Variants in EPM2A observed in about 807,000 individuals in gnomAD.
The protein encoded by EPM2A is EPM2A glucan phosphatase, laforin.
Under a neutral mutation model 26.5 loss-of-function variants are expected in EPM2A, and 21 were observed. The observed-to-expected ratio is 0.79, with a 90% confidence interval of 0.56 to 1.14. The LOEUF is 1.14. Ranked by LOEUF, EPM2A falls within the 50% of genes most tolerant of loss-of-function variation. The pLI, the probability that EPM2A is intolerant of heterozygous loss-of-function variation, is 0.00. For synonymous variants in EPM2A, 217 were observed against 177.6 expected, an observed-to-expected ratio of 1.22 and a Z score of -1.76; for missense variants, 458 against 440.8, an observed-to-expected ratio of 1.04 and a Z score of -0.35.
chr6:145,718,250 G>A (rs1775750311), intron 1 of EPM2A, among the ~76,000 whole-genome samples: 1 of 150,174 alleles, frequency 6.7e-6, no homozygotes, highest in South Asian at 2.1e-4. Flanking sequence ...AAAACAGCAT[G>A]GTACTGGTAC....
At chr6:145,668,339 A>T (rs1025002234) in intron 2 of EPM2A, among the ~76,000 whole-genome samples, 1 of 152,174 alleles carries the variant, frequency 6.6e-6, no homozygotes, top group Non-Finnish European at 1.5e-5. Flanking sequence ...AGGTGAGTTA[A>T]ACTACAAGGC....
At chr6:145,735,638 T>G (rs370538548), upstream of EPM2A, 48 of 1,082,492 alleles carry the variant, frequency 4.4e-5, no homozygotes, top group East Asian at 1.7e-3. Flanking sequence ...GTTCTGCGCC[T>G]TCTTTGGGAT....
chr6:145,389,380 CG>C (rs1778307787), intron 4 of EPM2A, among the ~76,000 whole-genome samples: 1 of 151,778 alleles, frequency 6.6e-6, no homozygotes, highest in Non-Finnish European at 1.5e-5. Flanking sequence ...TTAGTAGAGA[CG>C]GGGTTTCACC....
intron 1 of EPM2A, among the ~76,000 whole-genome samples, chr6:145,704,598 A>C (rs1054533439): frequency 6.6e-6 from 1 of 152,204 alleles, no homozygotes; most frequent in Non-Finnish European, 1.5e-5. Flanking sequence ...ATACTTATAC[A>C]GCAAAGCAAG....
intron 2 of EPM2A, among the ~76,000 whole-genome samples, chr6:145,561,153 CTTT>C (rs11326955): frequency 8.5e-5 from 12 of 141,720 alleles, no homozygotes; most frequent in Admixed American, 1.4e-4. Flanking sequence ...TCTTTTATAC[CTTT>C]TTTTTTTTTT....
intron 1 of EPM2A, among the ~76,000 whole-genome samples, chr6:145,698,553 T>G (rs4896839): frequency 0.64 from 96,995 of 150,950 alleles, 31,698 homozygotes; most frequent in African/African-American, 0.75. Flanking sequence ...TCTATGATTA[T>G]AAAAAGACAT....
In EPM2A at chr6:145,722,831, T is replaced by C. The variant is rs1249243755; in HGVS notation, c.301+12367A>G. ...GCACAGAGACAAAAAGAGAAGATGGTGTTAAGAGGCAGGGAGAAGATAGCC... is the reference window on the plus strand; with the variant it reads ...GCACAGAGACAAAAAGAGAAGATGGCGTTAAGAGGCAGGGAGAAGATAGCC... On this transcript the variant is annotated intron_variant, in intron 1 of 3. Transcript: ENST00000367519. 9.2e-6 allele frequency: 4 copies of C among 433,600 alleles called. No individual in the cohort carries two copies. The Admixed American group carries it at 1.0e-4, about 11-fold the overall frequency. The allele number at this position is 433,600 out of a possible 1,614,324, so 26.9% of individuals were successfully genotyped here. A position where few individuals can be genotyped will look rare whatever the true frequency, so the allele number is the denominator to read the frequency against.
At chr6:145,540,567 G>A (rs997465850) in intron 2 of EPM2A, among the ~76,000 whole-genome samples, 6 of 152,132 alleles carry the variant, frequency 3.9e-5, no homozygotes, top group African/African-American at 9.7e-5. Flanking sequence ...GGATCTTACC[G>A]TTGCACATTT....
intron 4 of EPM2A, among the ~76,000 whole-genome samples, chr6:145,406,131 T>C (rs1778566375): frequency 6.6e-6 from 1 of 152,086 alleles, no homozygotes; most frequent in Non-Finnish European, 1.5e-5. Flanking sequence ...GAAATAATAT[T>C]CAATACTCAA....
intron 1 of EPM2A, among the ~76,000 whole-genome samples, chr6:145,725,222 T>C (rs1776141051): frequency 6.6e-6 from 1 of 152,090 alleles, no homozygotes; most frequent in South Asian, 2.1e-4. Flanking sequence ...TATTACAGAA[T>C]TGCACATCTA....
intron 4 of EPM2A, among the ~76,000 whole-genome samples, chr6:145,450,089 C>T (rs1779175660): frequency 6.6e-6 from 1 of 151,880 alleles, no homozygotes; most frequent in African/African-American, 2.4e-5. Context: ...TGTGGTGGCT[C>T]ACACCTGTAA....
At chr6:145,640,307 C>T (rs1315663713) in intron 2 of EPM2A, 1 of 152,152 alleles carries the variant, frequency 6.6e-6, no homozygotes, top group African/African-American at 2.4e-5. Context: ...CACATTACAG[C>T]TTCCATCACT....
intron 4 of EPM2A, among the ~76,000 whole-genome samples, chr6:145,494,361 G>A (rs1446552439): frequency 4.0e-5 from 6 of 151,888 alleles, no homozygotes; most frequent in Admixed American, 3.9e-4. Context: ...GTGTTTATTT[G>A]GATCTTCTCT....
intron 2 of EPM2A, among the ~76,000 whole-genome samples, chr6:145,562,046 C>A (rs547863713): frequency 1.3e-5 from 2 of 148,546 alleles, no homozygotes; most frequent in Non-Finnish European, 3.0e-5. Context: ...ACATATATCC[C>A]AGAACTTAAA....
chr6:145,688,819 G>A (rs1245871124), intron 1 of EPM2A, among the ~76,000 whole-genome samples: 2 of 152,138 alleles, frequency 1.3e-5, no homozygotes, highest in African/African-American at 4.8e-5. Flanking sequence ...AAGCAGCAGA[G>A]CATGACTGAA....
intron 4 of EPM2A, among the ~76,000 whole-genome samples, chr6:145,430,991 A>G (rs1284056372): frequency 2.4e-4 from 36 of 152,200 alleles, no homozygotes; most frequent in Non-Finnish European, 7.3e-5. Context: ...TCTTAACTTC[A>G]AACATCAGAG....
chr6:145,524,222 A>G (rs1366942010), intron 2 of EPM2A, among the ~76,000 whole-genome samples: 1 of 152,144 alleles, frequency 6.6e-6, no homozygotes, highest in Non-Finnish European at 1.5e-5. Flanking sequence ...TCTTTGCTAT[A>G]GTGGATAGTG....
intron 2 of EPM2A, among the ~76,000 whole-genome samples, chr6:145,576,974 TG>T (rs1235583998): frequency 6.6e-6 from 1 of 151,442 alleles, no homozygotes; most frequent in African/African-American, 2.4e-5. Context: ...GGTTTTAAGA[TG>T]TTTTTTACAA....
At chr6:145,622,368 C>T (rs1775656034), downstream of EPM2A, among the ~76,000 whole-genome samples, 1 of 152,162 alleles carries the variant, frequency 6.6e-6, no homozygotes, top group Non-Finnish European at 1.5e-5. Flanking sequence ...TTCTTTCACT[C>T]TCTCTAGCCT....
Sources: allele counts gnomAD v4.1 joint callset (sites outside exome capture counted in the v4.1 genomes callset), GRCh38; gene constraint gnomAD v4.1.1; transcripts MANE v1.5; gene names NCBI Gene and HGNC (gene_info 2026-07-23, HGNC 2026-07-21).